The following RAB33B variants were observed in gnomAD, a reference collection of about 807,000 sequenced individuals.
RAB33B encodes ras-related protein Rab-33B.
A neutral mutation model predicts 15.0 loss-of-function variants in RAB33B; 6 were observed. The observed-to-expected ratio is 0.40, with a 90% CI of 0.22 to 0.79. The LOEUF is 0.79. Ranked by LOEUF, RAB33B falls within the 30% of genes least tolerant of loss-of-function variation. RAB33B has a pLI of 0.37. For missense variants in RAB33B, 257 were observed against 296.4 expected (o/e 0.87, Z 0.98); for synonymous variants, 117 against 108.3 (o/e 1.08, Z -0.50).
chr4:139,447,776 C>A, the RAB33B span, among the ~76,000 whole-genome samples: 1 of 148,558 alleles, frequency 6.7e-6, no homozygotes, highest in African/African-American at 2.5e-5. Context: ...ACGCCATTCT[C>A]CTGCCTCAGC....
At chr4:139,453,616 C>G (rs1749987454), upstream of RAB33B, 1 of 152,342 alleles carries the variant, frequency 6.6e-6, no homozygotes, top group Non-Finnish European at 1.5e-5. Flanking sequence ...TGTCTCCTCT[C>G]TGGGGCGACC....
At chr4:139,456,490 C>A (rs553886393) in intron 1 of RAB33B, among the ~76,000 whole-genome samples, 1 of 151,158 alleles carries the variant, frequency 6.6e-6, no homozygotes, top group Non-Finnish European at 1.5e-5. Context: ...TACCTAACTA[C>A]TGAGGTGAGT....
the RAB33B span, among the ~76,000 whole-genome samples, chr4:139,443,785 G>A: frequency 6.6e-6 from 1 of 152,068 alleles, no homozygotes; most frequent in South Asian, 2.1e-4. Flanking sequence ...AGCAAGTAGC[G>A]GCAACATCCC....
Position 139,463,098 on chromosome 4 carries a change from G to A in RAB33B, c.249+8654G>A, listed in dbSNP as rs931547334. Among the ~76,000 whole-genome samples the A allele has an allele frequency of 7.9e-5, 12 of 152,324 alleles. No individual in the cohort carries two copies. In the South Asian group the frequency reaches 1.0e-3, roughly 13 times the overall value. ...GGAGGATTACTTGAGCATGGGAGGT[G>A]GAGGTTGCAGTGAGCCAAGATTGTG... On this transcript the variant is annotated intron_variant, in intron 1 of 1. Coordinates refer to ENST00000305626, the MANE Select transcript of RAB33B (RefSeq NM_031296.3).
chr4:139,450,462 C>T (rs1292395585), upstream of RAB33B: 1 of 152,192 alleles, frequency 6.6e-6, no homozygotes, highest in African/African-American at 2.4e-5. Context: ...TCTGTAGGCT[C>T]AAGGAGTGCC....
At chr4:139,444,222 G>A in the RAB33B span, among the ~76,000 whole-genome samples, 1 of 152,270 alleles carries the variant, frequency 6.6e-6, no homozygotes, top group Non-Finnish European at 1.5e-5. Context: ...GTTAAAAAAG[G>A]TTCTAATAGT....
In RAB33B at chr4:139,465,820, C is replaced by T. The variant is rs1579179448; in HGVS notation, c.250-6866C>T. Among the ~76,000 whole-genome samples the T allele has an allele frequency of 3.3e-5, 5 of 150,432 alleles. No homozygotes were observed. In the South Asian group the frequency reaches 8.4e-4, roughly 25 times the overall value. On this transcript the variant is annotated intron_variant, in intron 1 of 1. Coordinates refer to ENST00000305626, the MANE Select transcript of RAB33B (RefSeq NM_031296.3). ...TTATGGCTCACTGCAGCCTTGATCT[C>T]CTGGGCTTAAGCGATCCTCCCACCT... is the stretch of plus-strand genomic sequence containing the variant.
chr4:139,454,032 G>A (rs76593161), upstream of RAB33B: 2,841 of 777,446 alleles, frequency 3.7e-3, 87 homozygotes, highest in East Asian at 0.07. Context: ...GCGGGCAAGG[G>A]CGGGGCGGGA....
the RAB33B span, among the ~76,000 whole-genome samples, chr4:139,442,233 G>A: frequency 2.0e-5 from 3 of 152,076 alleles, no homozygotes; most frequent in Non-Finnish European, 2.9e-5. Context: ...GGTCATTAAA[G>A]GCAACTTCTC....
chr4:139,456,595 T>A (rs908789231), intron 1 of RAB33B, among the ~76,000 whole-genome samples: 7 of 152,194 alleles, frequency 4.6e-5, no homozygotes. Flanking sequence ...AGATGATATT[T>A]TTTGGGGAGA....
At chr4:139,457,752 A>G (rs192150747) in intron 1 of RAB33B, among the ~76,000 whole-genome samples, 58 of 152,238 alleles carry the variant, frequency 3.8e-4, no homozygotes, top group African/African-American at 1.3e-3. Flanking sequence ...TCTAAGAATG[A>G]TTTTTTACAT....
the RAB33B span, among the ~76,000 whole-genome samples, chr4:139,443,511 C>T: frequency 1.3e-5 from 2 of 152,152 alleles, no homozygotes; most frequent in Non-Finnish European, 2.9e-5. Flanking sequence ...AGATACTGAG[C>T]CTCAAATCTA....
chr4:139,459,511 C>A (rs897962162), intron 1 of RAB33B, among the ~76,000 whole-genome samples: 2 of 152,156 alleles, frequency 1.3e-5, no homozygotes, highest in African/African-American at 4.8e-5. Context: ...CTTACCTGAA[C>A]CTTTAGATGA....
At chr4:139,453,209 C>T (rs1749968104), upstream of RAB33B, 1 of 152,240 alleles carries the variant, frequency 6.6e-6, no homozygotes, top group East Asian at 1.9e-4. Flanking sequence ...AGGTTCAACG[C>T]TCCCAGGTGG....
intron 1 of RAB33B, among the ~76,000 whole-genome samples, chr4:139,457,872 C>G (rs1212793162): frequency 6.6e-6 from 1 of 152,038 alleles, no homozygotes; most frequent in Non-Finnish European, 1.5e-5. Context: ...GTACTCTCAC[C>G]CCTCTCTTTG....
At chr4:139,440,162 G>C in the RAB33B span, among the ~76,000 whole-genome samples, 1 of 152,114 alleles carries the variant, frequency 6.6e-6, no homozygotes, top group Non-Finnish European at 1.5e-5. Flanking sequence ...CTTTGCCTAA[G>C]ATGAGTCTGA....
At chr4:139,441,825 A>C in the RAB33B span, among the ~76,000 whole-genome samples, 3 of 152,136 alleles carry the variant, frequency 2.0e-5, no homozygotes, top group Non-Finnish European at 4.4e-5. Context: ...TGCCAGTGTA[A>C]TTTTTGTCTA....
chr4:139,455,849 C>G (rs914372047), intron 1 of RAB33B, among the ~76,000 whole-genome samples: 2 of 152,156 alleles, frequency 1.3e-5, no homozygotes, highest in Non-Finnish European at 2.9e-5. Flanking sequence ...CCCAACTAAC[C>G]TGGATTCATA....
At chr4:139,443,362 G>A in the RAB33B span, among the ~76,000 whole-genome samples, 1 of 152,160 alleles carries the variant, frequency 6.6e-6, no homozygotes, top group Non-Finnish European at 1.5e-5. Context: ...CTTGTGAGAG[G>A]CAAGGAGTTT....
Sources: gnomAD v4.1 joint callset for allele counts (sites outside exome capture counted in the v4.1 genomes callset) on GRCh38, gnomAD v4.1.1 for gene constraint, MANE v1.5 for transcripts, NCBI Gene and HGNC (gene_info 2026-07-23, HGNC 2026-07-21) for gene names.